The following ME3 variants were observed in gnomAD, a reference collection of about 807,000 sequenced individuals.
ME3 encodes the protein malic enzyme 3, also known as NADP-dependent malic enzyme, mitochondrial.
A neutral mutation model predicts 68.9 loss-of-function variants in ME3; 48 were observed. The observed-to-expected ratio is 0.70, with a 90% CI of 0.55 to 0.89. The LOEUF (loss-of-function observed/expected upper bound fraction) is 0.89. Among genes scored for constraint, ME3 ranks in the 40% least tolerant of loss-of-function variants. ME3 has a pLI of 0.00. For missense variants in ME3, 675 were observed against 797.4 expected (o/e 0.85, Z 1.85); for synonymous variants, 320 against 318.8 (o/e 1.00, Z -0.04).
At chr11:86,499,527 G>A (rs1052194726) in intron 5 of ME3, among the ~76,000 whole-genome samples, 1 of 152,174 alleles carries the variant, frequency 6.6e-6, no homozygotes, top group African/African-American at 2.4e-5. Flanking sequence ...GGGCAATGGG[G>A]GTAAAGAGAT....
chr11:86,534,927 GGA>G (rs1209982355), intron 4 of ME3, among the ~76,000 whole-genome samples: 3 of 141,316 alleles, frequency 2.1e-5, no homozygotes, highest in Non-Finnish European at 3.2e-5. Flanking sequence ...GTTTTAAAAT[GGA>G]GAGTTTGGGC....
chr11:86,458,109 A>G (rs1021179246), intron 8 of ME3, among the ~76,000 whole-genome samples: 11 of 152,224 alleles, frequency 7.2e-5, no homozygotes, highest in Non-Finnish European at 1.6e-4. Flanking sequence ...ATGAGGCCAC[A>G]CCTGCTTCCA....
downstream of ME3, among the ~76,000 whole-genome samples, chr11:86,438,850 C>T (rs762875336): frequency 6.6e-6 from 1 of 152,180 alleles, no homozygotes; most frequent in Non-Finnish European, 1.5e-5. Flanking sequence ...ATCTTTCTCT[C>T]TCTCTCTCTG....
At chr11:86,493,189 C>T (rs915210997) in intron 6 of ME3, among the ~76,000 whole-genome samples, 2 of 152,158 alleles carry the variant, frequency 1.3e-5, no homozygotes, top group African/African-American at 2.4e-5. Flanking sequence ...GCTTCCTTGG[C>T]GATCCAATAA....
At chr11:86,499,382 A>G (rs998292594) in intron 5 of ME3, among the ~76,000 whole-genome samples, 2 of 152,172 alleles carry the variant, frequency 1.3e-5, no homozygotes, top group African/African-American at 2.4e-5. Context: ...AGCTATCTCT[A>G]TCTCTAAAAG....
At chr11:86,655,938 G>A (rs1945837429) in intron 2 of ME3, among the ~76,000 whole-genome samples, 1 of 151,890 alleles carries the variant, frequency 6.6e-6, no homozygotes, top group Non-Finnish European at 1.5e-5. Context: ...AGTGGGCCAA[G>A]GACATGAACA....
intron 5 of ME3, among the ~76,000 whole-genome samples, chr11:86,504,069 C>T (rs747056194): frequency 5.3e-5 from 8 of 152,206 alleles, no homozygotes; most frequent in Non-Finnish European, 8.8e-5. Context: ...GGCTCCATTT[C>T]CATCGCAGCC....
At chr11:86,545,160 A>C (rs1956289182) in intron 4 of ME3, among the ~76,000 whole-genome samples, 1 of 152,122 alleles carries the variant, frequency 6.6e-6, no homozygotes, top group Admixed American at 6.6e-5. Context: ...CTATCAATGG[A>C]AAGTATCTCA....
intron 6 of ME3, among the ~76,000 whole-genome samples, chr11:86,491,706 A>ACTT (rs1952021120): frequency 6.6e-6 from 1 of 152,312 alleles, no homozygotes; most frequent in East Asian, 1.9e-4. Flanking sequence ...CTCTGTCTGG[A>ACTT]CTTCTTCATA....
chr11:86,528,641 A>G (rs2139246619), intron 4 of ME3, among the ~76,000 whole-genome samples: 1 of 152,246 alleles, frequency 6.6e-6, no homozygotes, highest in East Asian at 1.9e-4. Context: ...AAGAACAGAA[A>G]TTATAACAAA....
intron 8 of ME3, among the ~76,000 whole-genome samples, chr11:86,453,357 G>C (rs1194159213): frequency 6.6e-6 from 1 of 152,184 alleles, no homozygotes; most frequent in Non-Finnish European, 1.5e-5. Flanking sequence ...ATGGATGCTG[G>C]GTAGCCAGAA....
intron 11 of ME3, 114 bp from the exon 12 acceptor site, chr11:86,447,321 C>T (rs1436351385): frequency 1.1e-5 from 15 of 1,370,734 alleles, no homozygotes; most frequent in Non-Finnish European, 1.5e-5. Flanking sequence ...GTCTTGGGCC[C>T]AGCATCTGCC....
rs531561074 is a variant in ME3, at chr11:86,547,120, C to G, written c.467+9433G>C. Among the ~76,000 whole-genome samples, 257 of 151,744 alleles carry G rather than the reference C, an allele frequency of 1.7e-3. 3 individuals carry two copies. Among genetic ancestry groups the G allele is most frequent in the Admixed American group, 2.6e-3 (40 of 15,222 alleles). ...GGGTATGGTGGTGGGTGCCTGTAGTCCCAGCTACTCAGGAGGCTGAGGCAG... is the reference window on the plus strand; with the variant it reads ...GGGTATGGTGGTGGGTGCCTGTAGTGCCAGCTACTCAGGAGGCTGAGGCAG... On this transcript the variant is annotated intron_variant, in intron 4 of 14. Transcript: ENST00000543262.
chr11:86,492,579 T>A (rs1657610053), intron 6 of ME3, among the ~76,000 whole-genome samples: 1 of 152,218 alleles, frequency 6.6e-6, no homozygotes, highest in South Asian at 2.1e-4. Flanking sequence ...CTTTCCCCTC[T>A]GTTAGATAGT....
intron 2 of ME3, among the ~76,000 whole-genome samples, chr11:86,583,743 C>T (rs1958574301): frequency 6.6e-6 from 1 of 152,120 alleles, no homozygotes; most frequent in Admixed American, 6.5e-5. Flanking sequence ...AGTTAATTGT[C>T]TTCAACAATG....
At chr11:86,443,778 A>G (rs1170199804) in intron 13 of ME3, among the ~76,000 whole-genome samples, 1 of 152,200 alleles carries the variant, frequency 6.6e-6, no homozygotes, top group Non-Finnish European at 1.5e-5. Context: ...TCACACTTCC[A>G]TCTTTCTTTT....
At chr11:86,544,844 A>C (rs1206152939) in intron 4 of ME3, among the ~76,000 whole-genome samples, 1 of 152,214 alleles carries the variant, frequency 6.6e-6, no homozygotes, top group Non-Finnish European at 1.5e-5. Flanking sequence ...AACCTGGCAA[A>C]GACACAACAC....
At chr11:86,532,293 C>T (rs1469450108) in intron 4 of ME3, among the ~76,000 whole-genome samples, 3 of 151,994 alleles carry the variant, frequency 2.0e-5, no homozygotes, top group African/African-American at 7.3e-5. Flanking sequence ...ACCTCAATCT[C>T]CAACTTTCAA....
In ME3 at chr11:86,655,362, A is replaced by G. The variant is rs920249120; in HGVS notation, c.183+16400T>C. 3.8e-4 allele frequency among the ~76,000 whole-genome samples: 58 copies of G among 152,230 alleles called. 1 individual carries two copies. The highest frequency in any genetic ancestry group is 4.4e-4 in the Non-Finnish European group (30 of 68,040). On this transcript the variant is annotated intron_variant, in intron 2 of 14. Transcript: ENST00000543262. ...ACTTCAAACTATACTACAAGGCTAC[A>G]GTAACCAAAACAGCATGGTACTGGT...
Sources: allele counts gnomAD v4.1 joint callset (sites outside exome capture counted in the v4.1 genomes callset), GRCh38; gene constraint gnomAD v4.1.1; transcripts MANE v1.5; gene names NCBI Gene and HGNC (gene_info 2026-07-23, HGNC 2026-07-21).